Variants in KCNK9 observed in about 807,000 individuals in gnomAD.
KCNK9 encodes the protein potassium two pore domain channel subfamily K member 9, also known as potassium channel subfamily K member 9.
KCNK9 carries 1 observed loss-of-function variant against 10.8 expected under a neutral mutation model. That is an observed-to-expected ratio of 0.09 (90% CI 0.03 to 0.44). The LOEUF (loss-of-function observed/expected upper bound fraction) is 0.44, where lower values mean the gene tolerates loss of function less well. Among genes scored for constraint, KCNK9 ranks in the 20% least tolerant of loss-of-function variants. The pLI is 0.97. For missense variants in KCNK9, 303 were observed against 515.0 expected, an observed-to-expected ratio of 0.59 and a Z score of 3.98; for synonymous variants, 231 against 222.7, an observed-to-expected ratio of 1.04 and a Z score of -0.33.
chr8:139,620,787 T>A (rs569525479), intron 1 of KCNK9, among the ~76,000 whole-genome samples: 2 of 152,012 alleles, frequency 1.3e-5, no homozygotes, highest in African/African-American at 4.8e-5. Context: ...AGAGATGATA[T>A]GACAAAGTTA....
chr8:139,657,636 G>C (rs1816053627), intron 1 of KCNK9, among the ~76,000 whole-genome samples: 1 of 152,198 alleles, frequency 6.6e-6, no homozygotes, highest in Non-Finnish European at 1.5e-5. Flanking sequence ...TGCAGAAGTG[G>C]GGGATGGATG....
At chr8:139,677,353 G>A (rs1816572303) in intron 1 of KCNK9, among the ~76,000 whole-genome samples, 1 of 152,050 alleles carries the variant, frequency 6.6e-6, no homozygotes, top group Non-Finnish European at 1.5e-5. Flanking sequence ...CTTCTGTTTG[G>A]GCTCATCCAA....
intron 1 of KCNK9, among the ~76,000 whole-genome samples, chr8:139,696,842 T>C (rs575953427): frequency 7.0e-6 from 1 of 142,978 alleles, no homozygotes; most frequent in South Asian, 2.2e-4. Context: ...GATGGATAGA[T>C]GGATGAGTGG....
intron 1 of KCNK9, among the ~76,000 whole-genome samples, chr8:139,619,638 C>T (rs930564533): frequency 4.6e-5 from 7 of 152,232 alleles, no homozygotes; most frequent in East Asian, 1.9e-4. Flanking sequence ...CTAATTCTAG[C>T]CTCTAAACAA....
At chr8:139,601,560 A>G (rs1586614852) in exon 3 of KCNK9, 1 of 152,336 alleles carries the variant, frequency 6.6e-6, no homozygotes, top group East Asian at 1.9e-4. Context: ...TTACAGAAGG[A>G]GAGAGCTGTC....
intron 1 of KCNK9, among the ~76,000 whole-genome samples, chr8:139,675,135 T>C (rs1816520879): frequency 1.3e-5 from 2 of 152,086 alleles, no homozygotes; most frequent in Admixed American, 6.5e-5. Context: ...GGAGCAGCGG[T>C]GGAGGAGCAA....
In KCNK9 at chr8:139,687,422, A is replaced by G. The variant is rs1273949188; in HGVS notation, c.283+15288T>C. On this transcript the variant is annotated intron_variant, in intron 1 of 1. Coordinates refer to ENST00000520439, the MANE Select transcript of KCNK9 (RefSeq NM_001282534.2). ...TATACATATATATTCATATATGTGT[A>G]TACATATATATTCATATATATGTAT... Among the ~76,000 whole-genome samples the G allele has an allele frequency of 1.9e-3, 263 of 135,914 alleles. 43 individuals carry two copies. The highest frequency in any genetic ancestry group is 3.8e-3 in the Middle Eastern group (1 of 262). The allele number at this position is 135,914 out of a possible 152,430, so 89.2% of individuals were successfully genotyped here. A position where few individuals can be genotyped will look rare whatever the true frequency, so the allele number is the denominator to read the frequency against.
At position 139,663,944 on chromosome 8, in the gene KCNK9, T is replaced by A. The variant is rs532744253; in HGVS notation, c.283+38766A>T. Among the ~76,000 whole-genome samples, 142 of 152,088 alleles carry A rather than the reference T, an allele frequency of 9.3e-4. 1 individual carries two copies. Among genetic ancestry groups the A allele is most frequent in the African/African-American group, 3.3e-3 (138 of 41,486 alleles). On this transcript the variant is annotated intron_variant, in intron 1 of 1. Transcript: ENST00000520439. ...AGTCAGTCAAGGAAACGAGAAGAAA[T>A]TGCGAAATAACACATCGGGGCCTGA... is the stretch of plus-strand genomic sequence containing the variant.
chr8:139,617,782 A>AAC lies in KCNK9; in HGVS notation c.*474_*475dup, dbSNP rs954697036. ...CACGTGCACACAGAAGCACACACAC[A>AAC]ACACACACACAGTCACTCAGTCCTT... On this transcript the variant is annotated 3_prime_UTR_variant, in exon 2 of 2. Transcript: ENST00000520439. 2.0e-5 allele frequency among the ~76,000 whole-genome samples: 3 copies of AAC among 152,194 alleles called. No homozygotes were observed. Among genetic ancestry groups the AAC allele is most frequent in the Admixed American group, 6.5e-5 (1 of 15,276 alleles).
chr8:139,688,067 G>A (rs1283615154), intron 1 of KCNK9, among the ~76,000 whole-genome samples: 1 of 152,094 alleles, frequency 6.6e-6, no homozygotes, highest in African/African-American at 2.4e-5. Context: ...CATGTTACCA[G>A]TTTTTAAATC....
chr8:139,638,633 C>T (rs975295330), intron 1 of KCNK9, among the ~76,000 whole-genome samples: 2 of 152,224 alleles, frequency 1.3e-5, no homozygotes, highest in African/African-American at 4.8e-5. Flanking sequence ...GTGCCAGCTG[C>T]TTTGTCTGGG....
intron 1 of KCNK9, among the ~76,000 whole-genome samples, chr8:139,686,958 A>C (rs544678588): frequency 1.3e-5 from 2 of 152,374 alleles, no homozygotes; most frequent in South Asian, 4.1e-4. Context: ...GAGAAAGCCT[A>C]GTAACTGTCA....
At chr8:139,677,716 C>A (rs1027932263) in intron 1 of KCNK9, among the ~76,000 whole-genome samples, 2,623 of 44,936 alleles carry the variant, frequency 0.058, 175 homozygotes, top group African/African-American at 0.15. Flanking sequence ...TAATACCTCA[C>A]ATCCCAGCCC....
At chr8:139,650,877 C>T (rs1815842316) in intron 1 of KCNK9, among the ~76,000 whole-genome samples, 1 of 152,130 alleles carries the variant, frequency 6.6e-6, no homozygotes, top group African/African-American at 2.4e-5. Flanking sequence ...GCCACCAGCC[C>T]CTTGACACCC....
Position 139,644,060 on chromosome 8 carries a change from T to C in KCNK9, c.284-24961A>G, listed in dbSNP as rs150359189. ...GCTGTTGCTGAAATAACTATAACTC[T>C]GGTTTGATTACTGTGCTAGGAAGGG... On this transcript the variant is annotated intron_variant, in intron 1 of 1. Transcript: ENST00000520439. Among the ~76,000 whole-genome samples the C allele has an allele frequency of 3.1e-3, 475 of 152,340 alleles. 3 individuals are homozygous for C. Among genetic ancestry groups the C allele is most frequent in the African/African-American group, 0.011 (461 of 41,578 alleles).
chr8:139,611,638 T>G (rs1372626867), downstream of KCNK9: 1 of 152,256 alleles, frequency 6.6e-6, no homozygotes, highest in Non-Finnish European at 1.5e-5. Context: ...ATCACAAGTA[T>G]GCTCCCATAG....
chr8:139,694,168 G>C (rs997710185), intron 1 of KCNK9, among the ~76,000 whole-genome samples: 1 of 152,168 alleles, frequency 6.6e-6, no homozygotes, highest in Non-Finnish European at 1.5e-5. Flanking sequence ...CAGCAGAAAG[G>C]GGGTGGTGGG....
intron 1 of KCNK9, among the ~76,000 whole-genome samples, chr8:139,687,505 TATATGTATACA>T: frequency 2.1e-5 from 1 of 47,966 alleles, no homozygotes; most frequent in African/African-American, 6.3e-5. Flanking sequence ...TATATACATA[TATATGTATACA>T]CATATATTCA....
chr8:139,687,695 CAT>C (rs1246823703), intron 1 of KCNK9, among the ~76,000 whole-genome samples: 2 of 140,216 alleles, frequency 1.4e-5, no homozygotes, highest in East Asian at 4.1e-4. Context: ...CATATGTATA[CAT>C]ATATATATAG....
Sources: gnomAD v4.1 joint callset for allele counts (sites outside exome capture counted in the v4.1 genomes callset) on GRCh38, gnomAD v4.1.1 for gene constraint, MANE v1.5 for transcripts, NCBI Gene and HGNC (gene_info 2026-07-23, HGNC 2026-07-21) for gene names.